EIF4G3: variants seen among roughly 807,000 people sequenced by gnomAD.
EIF4G3 encodes the protein eIF-4-gamma 3.
EIF4G3 carries 34 observed loss-of-function variants against 186.4 expected under a neutral mutation model. The ratio of observed to expected loss-of-function variants is 0.18; its 90% CI spans 0.14 to 0.24. The LOEUF (loss-of-function observed/expected upper bound fraction) is 0.24. Ranked by LOEUF, EIF4G3 falls within the 10% of genes least tolerant of loss-of-function variation. The probability of loss-of-function intolerance (pLI) is 1.00; values close to 1 mark genes in which losing one functional copy is unlikely to be tolerated. For missense variants in EIF4G3, 1,536 were observed against 1,948.5 expected (o/e 0.79, Z 3.99); for synonymous variants, 673 against 679.5 (o/e 0.99, Z 0.15).
In EIF4G3 at chr1:20,899,832, C is replaced by A. The variant is rs2154556515; in HGVS notation, c.1864G>T (p.Ala622Ser). ...RDPSDLKKVK[A>S]VEENGEEAEP... is the part of the protein sequence containing the mutation. Reference sequence around the variant, plus strand: ...GCTTCTTCTCCATTTTCTTCCACAGCTTTCACTTTTTTTAGGTCAGAGGGG... The same window carrying A: ...GCTTCTTCTCCATTTTCTTCCACAGATTTCACTTTTTTTAGGTCAGAGGGG... Residue 622 changes from alanine to serine, a missense_variant, in exon 16 of 37, where the codon GCT becomes TCT. This residue lies in a region of EIF4G3 where 560 missense variants were observed against 547.8 expected (regional missense o/e 1.02). Transcript: ENST00000602326. 6.2e-7 allele frequency: 1 copy of A among 1,614,164 alleles called. No homozygotes were observed. Among genetic ancestry groups the A allele is most frequent in the East Asian group, 2.2e-5 (1 of 44,878 alleles).
intron 2 of EIF4G3, among the ~76,000 whole-genome samples, chr1:21,104,449 G>A (rs565964761): frequency 6.6e-6 from 1 of 152,198 alleles, no homozygotes; most frequent in South Asian, 2.1e-4. Flanking sequence ...CATATACATG[G>A]CCAACAAGCA....
intron 13 of EIF4G3, among the ~76,000 whole-genome samples, chr1:20,944,250 C>T (rs1203197172): frequency 1.3e-5 from 2 of 151,852 alleles, no homozygotes; most frequent in Non-Finnish European, 2.9e-5. Context: ...TGTGATGGCT[C>T]GCATCTGTAA....
chr1:20,889,119 GT>G (rs2085134065), intron 18 of EIF4G3, among the ~76,000 whole-genome samples: 1 of 152,090 alleles, frequency 6.6e-6, no homozygotes, highest in African/African-American at 2.4e-5. Flanking sequence ...CCCACTGTCA[GT>G]TTTCAAAAAT....
At chr1:21,088,463 T>G (rs1332839255) in intron 3 of EIF4G3, among the ~76,000 whole-genome samples, 1 of 152,074 alleles carries the variant, frequency 6.6e-6, no homozygotes, top group Non-Finnish European at 1.5e-5. Flanking sequence ...CTTTCAGCAT[T>G]TTGAAAATAT....
chr1:20,840,303 G>A (rs1193378225), intron 30 of EIF4G3, among the ~76,000 whole-genome samples: 3 of 152,174 alleles, frequency 2.0e-5, no homozygotes, highest in Non-Finnish European at 4.4e-5. Flanking sequence ...CAGATAGGCA[G>A]ACCTTATCAA....
chr1:21,061,465 G>T (rs1438540114), intron 3 of EIF4G3, among the ~76,000 whole-genome samples: 1 of 152,158 alleles, frequency 6.6e-6, no homozygotes, highest in African/African-American at 2.4e-5. Context: ...GAAATAATAA[G>T]TAGTGTGTTG....
intron 29 of EIF4G3, among the ~76,000 whole-genome samples, chr1:20,845,847 G>C (rs143044933): frequency 2.0e-5 from 3 of 152,200 alleles, no homozygotes; most frequent in African/African-American, 7.2e-5. Flanking sequence ...TAGAATGTCA[G>C]TGGGAGTTTA....
intron 2 of EIF4G3, among the ~76,000 whole-genome samples, chr1:21,170,718 G>A (rs552436252): frequency 6.6e-6 from 1 of 152,042 alleles, no homozygotes; most frequent in African/African-American, 2.4e-5. Context: ...GTAGAGCATA[G>A]TAGCTAACAC....
At chr1:20,844,668 T>C (rs978367438) in intron 29 of EIF4G3, among the ~76,000 whole-genome samples, 17 of 152,094 alleles carry the variant, frequency 1.1e-4, no homozygotes, top group African/African-American at 3.4e-4. Flanking sequence ...CCGTCTCTAC[T>C]AAAAATACAA....
At chr1:20,989,540 A>G (rs1003497619) in intron 7 of EIF4G3, among the ~76,000 whole-genome samples, 2 of 144,770 alleles carry the variant, frequency 1.4e-5, no homozygotes, top group Non-Finnish European at 3.0e-5. Flanking sequence ...CTGGATAACA[A>G]GAGCAAAACT....
intron 3 of EIF4G3, among the ~76,000 whole-genome samples, chr1:21,072,302 G>A (rs2095465800): frequency 6.6e-6 from 1 of 152,202 alleles, no homozygotes; most frequent in African/African-American, 2.4e-5. Flanking sequence ...GGGAGGCCAA[G>A]GTACAAGGAT....
intron 27 of EIF4G3, among the ~76,000 whole-genome samples, chr1:20,852,245 G>A (rs2073555477): frequency 6.6e-6 from 1 of 152,020 alleles, no homozygotes; most frequent in Non-Finnish European, 1.5e-5. Context: ...CAGGTGATCT[G>A]CCCACCTCGG....
At chr1:20,815,696 T>G (rs1340765681) in intron 34 of EIF4G3, among the ~76,000 whole-genome samples, 18 of 94,234 alleles carry the variant, frequency 1.9e-4, no homozygotes, top group Admixed American at 2.5e-4. Flanking sequence ...GTCCGGGAGG[T>G]GAGGGGATCC....
intron 14 of EIF4G3, among the ~76,000 whole-genome samples, chr1:20,935,819 G>C (rs2095499713): frequency 6.6e-6 from 1 of 152,208 alleles, no homozygotes. Context: ...TCCTGTAGAG[G>C]TTTTCTTTAA....
At chr1:21,106,421 T>C (rs147325517) in intron 2 of EIF4G3, among the ~76,000 whole-genome samples, 319 of 152,040 alleles carry the variant, frequency 2.1e-3, no homozygotes, top group Non-Finnish European at 3.3e-3. Context: ...CCAAGGGGAA[T>C]AGCTATTGCA....
chr1:20,855,131 T>C (rs1388124957), intron 25 of EIF4G3, 60 bp from the exon 26 acceptor site: 3 of 1,383,632 alleles, frequency 2.2e-6, no homozygotes, highest in African/African-American at 1.5e-5. Context: ...TAGTTTTTCT[T>C]TTATTTTTTT....
At chr1:21,136,647 T>C (rs778344956) in intron 2 of EIF4G3, among the ~76,000 whole-genome samples, 22 of 152,352 alleles carry the variant, frequency 1.4e-4, no homozygotes, top group South Asian at 6.2e-4. Flanking sequence ...TTACCCACAC[T>C]TGTTAGTAGA....
chr1:20,972,495 C>A (rs1266948585), intron 11 of EIF4G3, among the ~76,000 whole-genome samples: 1 of 151,948 alleles, frequency 6.6e-6, no homozygotes, highest in Non-Finnish European at 1.5e-5. Context: ...TTAGCCGGGC[C>A]TGGTGGCTTG....
rs373944372 is a variant in EIF4G3, at chr1:20,989,875, C to T, written c.178-7467G>A. On this transcript the variant is annotated intron_variant, in intron 7 of 36. Transcript: ENST00000602326. ...CATCACATGCTGCAGAGAAATCTTT[C>T]ATGAAATAAAGAGTCCACTGGCCGG... 5.3e-5 allele frequency among the ~76,000 whole-genome samples: 8 copies of T among 152,270 alleles called. 1 individual carries two copies. The East Asian group carries it at 7.7e-4, about 15-fold the overall frequency.
Sources: gnomAD v4.1 joint callset for allele counts (sites outside exome capture counted in the v4.1 genomes callset) on GRCh38, gnomAD v4.1.1 for gene constraint, gnomAD v4.1.1 regional missense constraint, MANE v1.5 for transcripts, NCBI Gene and HGNC (gene_info 2026-07-23, HGNC 2026-07-21) for gene names.